The following MGST1 variants were observed in gnomAD, a reference collection of about 807,000 sequenced individuals.
MGST1 encodes glutathione S-transferase 12.
In MGST1, 5 loss-of-function variants were observed where a neutral mutation model predicts 8.9. That is an observed-to-expected ratio of 0.56 (90% CI 0.29 to 1.19). The LOEUF (loss-of-function observed/expected upper bound fraction) is 1.19, where lower values mean the gene tolerates loss of function less well. MGST1 is among the 50% of genes most tolerant of loss of function. MGST1 has a pLI of 0.08. For missense variants in MGST1, 182 were observed against 187.4 expected (o/e 0.97, Z 0.17); for synonymous variants, 54 against 67.8 (o/e 0.80, Z 1.00).
intron 1 of MGST1, among the ~76,000 whole-genome samples, chr12:16,420,168 C>G (rs1940822341): frequency 6.6e-6 from 1 of 152,050 alleles, no homozygotes; most frequent in African/African-American, 2.4e-5. Flanking sequence ...TAATGAGTGA[C>G]TTAAAAATAT....
chr12:16,358,262 G>A (rs533611273), intron 3 of MGST1, among the ~76,000 whole-genome samples: 5 of 152,246 alleles, frequency 3.3e-5, no homozygotes, highest in Non-Finnish European at 5.9e-5. Flanking sequence ...CATAGTACCC[G>A]TTAGTTTTTC....
chr12:16,540,813 C>G lies in MGST1; in HGVS notation n.483-48715C>G, dbSNP rs150165192. On this transcript the variant is annotated intron_variant and non_coding_transcript_variant, in intron 4 of 4. Coordinates refer to the MGST1 transcript ENST00000538857. Reference sequence around the variant, plus strand: ...GGGCATGCTGGCATGCACCTGTAACCCCATGAGAATTGCTTGAACCCAGGA... The same window carrying G: ...GGGCATGCTGGCATGCACCTGTAACGCCATGAGAATTGCTTGAACCCAGGA... Among the ~76,000 whole-genome samples the G allele has an allele frequency of 4.7e-3, 717 of 152,140 alleles. 9 individuals are homozygous for G. Among genetic ancestry groups the G allele is most frequent in the African/African-American group, 0.016 (679 of 41,490 alleles).
chr12:16,383,408 T>C (rs2082723648), exon 1 of MGST1: 1 of 152,228 alleles, frequency 6.6e-6, no homozygotes, highest in Non-Finnish European at 1.5e-5. Context: ...TTTTTATACA[T>C]GGTAAAAATT....
chr12:16,471,743 G>A (rs1267222600), intron 4 of MGST1, among the ~76,000 whole-genome samples: 1 of 152,068 alleles, frequency 6.6e-6, no homozygotes, highest in African/African-American at 2.4e-5. Flanking sequence ...TTCTATGCTG[G>A]GTGATTAATA....
chr12:16,387,829 T>C (rs576560779), intron 1 of MGST1, among the ~76,000 whole-genome samples: 30 of 152,242 alleles, frequency 2.0e-4, no homozygotes, highest in African/African-American at 7.0e-4. Flanking sequence ...CCTGCTGTTT[T>C]CTACTGTATT....
intron 1 of MGST1, among the ~76,000 whole-genome samples, chr12:16,393,256 G>A (rs1940570109): frequency 6.6e-6 from 1 of 152,216 alleles, no homozygotes; most frequent in East Asian, 1.9e-4. Flanking sequence ...TGGTGACAGT[G>A]GTAGGAGAGT....
At chr12:16,463,453 G>A (rs940741744) in intron 4 of MGST1, among the ~76,000 whole-genome samples, 1 of 149,296 alleles carries the variant, frequency 6.7e-6, no homozygotes, top group Admixed American at 6.7e-5. Context: ...GGGGGAGGGA[G>A]GGCATCAGGA....
At position 16,584,225 on chromosome 12, in the gene MGST1, G is replaced by C. The variant is rs1943249972; in HGVS notation, n.483-5303G>C. ...TGGAGGATGCATTTTTTAGTAGTGA[G>C]TGGGGAGAGTTATGTGTATCTAAGA... On this transcript the variant is annotated intron_variant and non_coding_transcript_variant, in intron 4 of 4. Transcript: ENST00000538857. The surrounding 1 kb of genome is among the most constrained non-coding windows in gnomAD (Gnocchi z 5.2). Among the ~76,000 whole-genome samples the C allele has an allele frequency of 6.6e-6, 1 of 152,134 alleles. No homozygotes were observed. Among genetic ancestry groups the C allele is most frequent in the Admixed American group, 6.6e-5 (1 of 15,258 alleles).
chr12:16,478,093 G>A (rs549754949), intron 4 of MGST1, among the ~76,000 whole-genome samples: 1 of 152,284 alleles, frequency 6.6e-6, no homozygotes, highest in African/African-American at 2.4e-5. Flanking sequence ...GCAGTGGCAC[G>A]ATCTTGGCTC....
At chr12:16,406,281 A>G (rs1449776323) in intron 1 of MGST1, among the ~76,000 whole-genome samples, 1 of 152,212 alleles carries the variant, frequency 6.6e-6, no homozygotes, top group Non-Finnish European at 1.5e-5. Flanking sequence ...CAGCCAATTG[A>G]GAGCCAAATC....
At chr12:16,359,864 A>G (rs948128326) in intron 3 of MGST1, among the ~76,000 whole-genome samples, 1 of 152,156 alleles carries the variant, frequency 6.6e-6, no homozygotes, top group East Asian at 1.9e-4. Context: ...GTAACAAAAG[A>G]TATTTTATTT....
chr12:16,415,763 C>T (rs1940782648), intron 1 of MGST1, among the ~76,000 whole-genome samples: 1 of 152,058 alleles, frequency 6.6e-6, no homozygotes, highest in Non-Finnish European at 1.5e-5. Context: ...ATGTGAATTT[C>T]CAACTGTGTG....
In MGST1 at chr12:16,401,426, C is replaced by T. The variant is rs1940654830; in HGVS notation, n.778+17822C>T. 3.3e-6 allele frequency: 3 copies of T among 901,288 alleles called. No homozygotes were observed. The highest frequency in any genetic ancestry group is 1.6e-5 in the African/African-American group (1 of 60,948). The allele number at this position is 901,288 out of a possible 1,614,324, so 55.8% of individuals were successfully genotyped here. Reference sequence around the variant, plus strand: ...AGGAGTTCTGGCTTCTGCTTTTTAGCCACGTCCATGACAGCATTATATACA... The same window carrying T: ...AGGAGTTCTGGCTTCTGCTTTTTAGTCACGTCCATGACAGCATTATATACA... On this transcript the variant is annotated intron_variant and non_coding_transcript_variant, in intron 1 of 1. Transcript: ENST00000359720. This position sits in a 1 kb window ranked among gnomAD's most constrained non-coding sequence, Gnocchi z 4.3.
chr12:16,524,033 A>G (rs573868121), intron 4 of MGST1, among the ~76,000 whole-genome samples: 183 of 152,264 alleles, frequency 1.2e-3, no homozygotes, highest in Middle Eastern at 0.01. Context: ...TAATCTGTAT[A>G]CATTTGCTTT....
chr12:16,502,363 T>A (rs1941510118), intron 4 of MGST1, among the ~76,000 whole-genome samples: 1 of 152,196 alleles, frequency 6.6e-6, no homozygotes, highest in Non-Finnish European at 1.5e-5. Context: ...AATAAATAGG[T>A]GCAATTGTGT....
intron 4 of MGST1, among the ~76,000 whole-genome samples, chr12:16,496,203 C>T (rs989636165): frequency 6.6e-6 from 1 of 151,844 alleles, no homozygotes; most frequent in Non-Finnish European, 1.5e-5. Flanking sequence ...TTAAAGGATG[C>T]TAATGTTAGT....
At chr12:16,400,585 G>C in intron 1 of MGST1, 1 of 987,900 alleles carries the variant, frequency 1.0e-6, no homozygotes, top group East Asian at 2.4e-5. Context: ...AAGGTTCAAG[G>C]CTGGTACTGT....
Position 16,363,868 on chromosome 12 carries a change from G to A in MGST1, c.295G>A (p.Asp99Asn), listed in dbSNP as rs775088887. The change falls in exon 4 of 4, where the codon GAC (aspartate) becomes AAC (asparagine). Residue 99 changes from aspartate to asparagine, a missense_variant. Physicochemically the swap from Asp to Asn is conservative, Grantham distance 23. Coordinates refer to ENST00000396210, the MANE Select transcript of MGST1 (RefSeq NM_020300.5). The surrounding 1 kb of genome is among the most constrained non-coding windows in gnomAD (Gnocchi z 4.6). Reference protein sequence around the residue: ...IGLLYSLSGPDPSTAILHFRL... With the variant: ...IGLLYSLSGPNPSTAILHFRL... ...CCTCCTGTATTCCTTGAGTGGTCCC[G>A]ACCCCTCTACAGCCATCCTGCACTT... 15 of 1,613,472 alleles carry A rather than the reference G, an allele frequency of 9.3e-6. No individual in the cohort carries two copies. Among genetic ancestry groups the A allele is most frequent in the African/African-American group, 2.7e-5 (2 of 74,828 alleles).
chr12:16,381,828 G>C (rs1591712766), downstream of MGST1, among the ~76,000 whole-genome samples: 2 of 152,238 alleles, frequency 1.3e-5, no homozygotes, highest in East Asian at 3.9e-4. Context: ...TGGAGGCTTT[G>C]TTCATTTCTT....
Sources: gnomAD v4.1 joint callset for allele counts (sites outside exome capture counted in the v4.1 genomes callset) on GRCh38, gnomAD v4.1.1 for gene constraint, Gnocchi (gnomAD v3.1) non-coding constraint, MANE v1.5 for transcripts, NCBI Gene and HGNC (gene_info 2026-07-23, HGNC 2026-07-21) for gene names.